The following KRABD4 variants were observed in gnomAD, a reference collection of about 807,000 sequenced individuals.
KRABD4 encodes KRAB domain-containing protein 4.
At chrX:46,455,182 T>G in the KRABD4 span, 45 of 1,062,935 alleles carry the variant, frequency 4.2e-5, no homozygotes, top group Non-Finnish European at 5.6e-5. Context: ...TTATAACCAC[T>G]TCTGCCTTTC....
the KRABD4 span, chrX:46,473,653 A>AAC: frequency 4.8e-6 from 1 of 209,764 alleles, no homozygotes. Flanking sequence ...AAATCAGTGA[A>AAC]TCTTTTTTTT....
At chrX:46,463,244 T>A in the KRABD4 span, 1 of 1,211,796 alleles carries the variant, frequency 8.3e-7, no homozygotes, top group Non-Finnish European at 1.1e-6. Flanking sequence ...TGGGACCAGG[T>A]GAAGAGTCCT....
chrX:46,458,106 GA>G, the KRABD4 span, among the ~76,000 whole-genome samples: 1 of 111,922 alleles, frequency 8.9e-6, no homozygotes, highest in Non-Finnish European at 1.9e-5. Flanking sequence ...ATATCAAAGT[GA>G]GAAAAATATT....
At chrX:46,473,081 T>G in the KRABD4 span, 1 of 1,199,626 alleles carries the variant, frequency 8.3e-7, no homozygotes. Context: ...GCAGAGAGAT[T>G]TTTTGACCCT....
the KRABD4 span, among the ~76,000 whole-genome samples, chrX:46,458,385 C>T: frequency 1.8e-5 from 2 of 112,132 alleles, no homozygotes; most frequent in East Asian, 5.6e-4. Context: ...AATGCAAATA[C>T]CCTTAACACA....
the KRABD4 span, among the ~76,000 whole-genome samples, chrX:46,471,602 G>A: frequency 2.0e-4 from 22 of 111,389 alleles, no homozygotes; most frequent in Non-Finnish European, 3.4e-4. Context: ...TAGTCTTACC[G>A]CCCTAAAAAT....
chrX:46,472,768 A>G, the KRABD4 span: 1 of 1,209,819 alleles, frequency 8.3e-7, no homozygotes, highest in African/African-American at 1.7e-5. Flanking sequence ...CAAGTTGATG[A>G]GCAGATAGAT....
At chrX:46,458,304 C>T in the KRABD4 span, among the ~76,000 whole-genome samples, 1 of 112,046 alleles carries the variant, frequency 8.9e-6, no homozygotes, top group East Asian at 2.8e-4. Flanking sequence ...GTAGAAAAAA[C>T]ACCAAAGAAG....
chrX:46,473,651 G>T, the KRABD4 span: 19 of 218,427 alleles, frequency 8.7e-5, no homozygotes, highest in East Asian at 1.6e-4. Flanking sequence ...GCAAATCAGT[G>T]AATCTTTTTT....
At chrX:46,468,123 C>G in the KRABD4 span, among the ~76,000 whole-genome samples, 56 of 111,435 alleles carry the variant, frequency 5.0e-4, no homozygotes, top group South Asian at 5.6e-3. Context: ...AGGTAAGGGT[C>G]AACATATTTT....
chrX:46,449,456 G>C, the KRABD4 span, among the ~76,000 whole-genome samples: 4 of 112,018 alleles, frequency 3.6e-5, no homozygotes, highest in Non-Finnish European at 7.5e-5. Context: ...TTTAATTTTT[G>C]TTTTACTAGT....
chrX:46,456,411 C>A, the KRABD4 span: 1 of 115,163 alleles, frequency 8.7e-6, no homozygotes, highest in African/African-American at 3.3e-5. Context: ...AGCACTGACC[C>A]TGTCAAGCAA....
At chrX:46,468,351 A>G in the KRABD4 span, among the ~76,000 whole-genome samples, 5 of 110,465 alleles carry the variant, frequency 4.5e-5, no homozygotes, top group Non-Finnish European at 7.6e-5. Context: ...CCAGGGCAAC[A>G]TAGTGAGACC....
chrX:46,455,274 T>G, the KRABD4 span: 1 of 844,186 alleles, frequency 1.2e-6, no homozygotes, highest in Non-Finnish European at 1.7e-6. Context: ...GCTTCTGTCT[T>G]TCTTTGTCTT....
chrX:46,473,687 C>T, the KRABD4 span: 8 of 229,127 alleles, frequency 3.5e-5, no homozygotes, highest in East Asian at 7.7e-4. Flanking sequence ...CAGAGTCTTG[C>T]TCTGTCATCC....
chrX:46,448,355 G>A, the KRABD4 span: 1 of 112,349 alleles, frequency 8.9e-6, no homozygotes, highest in Admixed American at 9.3e-5. Flanking sequence ...CTATAGTGAT[G>A]GCCTCAACTG....
the KRABD4 span, among the ~76,000 whole-genome samples, chrX:46,467,302 C>G: frequency 1.9e-4 from 21 of 111,799 alleles, 1 homozygote; most frequent in African/African-American, 6.8e-4. Flanking sequence ...CCTGTAATCC[C>G]AGCACTTTGG....
chrX:46,474,414 G>A, the KRABD4 span: 2 of 111,073 alleles, frequency 1.8e-5, no homozygotes, highest in Admixed American at 1.9e-4. Context: ...AATCAGGTTC[G>A]GTACTATTCA....
chrX:46,451,722 G>C, the KRABD4 span, among the ~76,000 whole-genome samples: 1 of 111,659 alleles, frequency 9.0e-6, no homozygotes, highest in African/African-American at 3.3e-5. Context: ...TATTAAAGAT[G>C]AAAAGGCACC....
Sources: allele counts gnomAD v4.1 joint callset (sites outside exome capture counted in the v4.1 genomes callset), GRCh38; gene constraint gnomAD v4.1.1; transcripts MANE v1.5; gene names NCBI Gene and HGNC (gene_info 2026-07-23, HGNC 2026-07-21).